The following TOP6BL variants were observed in gnomAD, a reference collection of about 807,000 sequenced individuals.
The protein encoded by TOP6BL is type 2 DNA topoisomerase 6 subunit B-like.
At chr11:66,784,956 C>CTTTTTTTTTTTTTTTT in the TOP6BL span, among the ~76,000 whole-genome samples, 1 of 95,116 alleles carries the variant, frequency 1.1e-5, no homozygotes, top group Non-Finnish European at 2.0e-5. Flanking sequence ...TCTAAGATTT[C>CTTTTTTTTTTTTTTTT]TTTTTTTTTT....
the TOP6BL span, among the ~76,000 whole-genome samples, chr11:66,766,398 C>G: frequency 6.6e-6 from 1 of 152,210 alleles, no homozygotes; most frequent in Non-Finnish European, 1.5e-5. Context: ...AATCTCCCTA[C>G]TCACCTACTT....
the TOP6BL span, among the ~76,000 whole-genome samples, chr11:66,810,527 A>C: frequency 6.6e-6 from 1 of 152,198 alleles, no homozygotes; most frequent in Non-Finnish European, 1.5e-5. Context: ...TTCAGTATTT[A>C]AAGGGGAAAC....
chr11:66,805,172 T>C, the TOP6BL span, among the ~76,000 whole-genome samples: 1 of 152,114 alleles, frequency 6.6e-6, no homozygotes, highest in African/African-American at 2.4e-5. Context: ...AGGTGGAGGC[T>C]GCAGTGAGCC....
the TOP6BL span, chr11:66,803,963 A>G: frequency 1.9e-6 from 3 of 1,549,086 alleles, no homozygotes; most frequent in Non-Finnish European, 2.6e-6. Flanking sequence ...AGAGGAAAAA[A>G]TGTTAAATTT....
chr11:66,756,850 A>G, the TOP6BL span, among the ~76,000 whole-genome samples: 1 of 151,912 alleles, frequency 6.6e-6, no homozygotes, highest in South Asian at 2.1e-4. Flanking sequence ...TAGCTGGACT[A>G]CAGGTGTGTG....
chr11:66,825,865 A>G, the TOP6BL span, among the ~76,000 whole-genome samples: 2 of 150,020 alleles, frequency 1.3e-5, no homozygotes, highest in Non-Finnish European at 3.0e-5. Flanking sequence ...TCTCTGAGAC[A>G]GTGTCTCGCT....
chr11:66,833,040 C>CTTTT, the TOP6BL span, among the ~76,000 whole-genome samples: 57 of 117,260 alleles, frequency 4.9e-4, no homozygotes, highest in Non-Finnish European at 7.2e-4. Flanking sequence ...ATCTTTCTGC[C>CTTTT]TTTTTTTTTT....
At chr11:66,744,861 C>G in the TOP6BL span, 18 of 1,312,618 alleles carry the variant, frequency 1.4e-5, no homozygotes, top group South Asian at 3.3e-4. Flanking sequence ...TACCCTTCGA[C>G]TGGGCGTTGC....
the TOP6BL span, among the ~76,000 whole-genome samples, chr11:66,809,236 CAG>C: frequency 1.3e-5 from 2 of 152,178 alleles, no homozygotes; most frequent in South Asian, 2.1e-4. Flanking sequence ...AGATGAAAAA[CAG>C]AGAAGAATCT....
the TOP6BL span, chr11:66,842,918 T>TGCG: frequency 6.4e-7 from 1 of 1,565,042 alleles, no homozygotes; most frequent in Non-Finnish European, 8.6e-7. Context: ...ATGCGAGCTC[T>TGCG]GCGCTCTGCC....
the TOP6BL span, chr11:66,758,309 T>TTTTTTTTTC: frequency 4.0e-4 from 13 of 32,460 alleles, no homozygotes; most frequent in African/African-American, 9.9e-4. Flanking sequence ...TTTCTTTTTT[T>TTTTTTTTTC]TTTTTTTTTT....
At chr11:66,829,480 CAGG>C in the TOP6BL span, among the ~76,000 whole-genome samples, 51 of 151,924 alleles carry the variant, frequency 3.4e-4, no homozygotes, top group Non-Finnish European at 6.8e-4. Context: ...GAGGCTGAGG[CAGG>C]AGAATTGCTT....
chr11:66,809,685 A>T, the TOP6BL span, among the ~76,000 whole-genome samples: 1 of 152,146 alleles, frequency 6.6e-6, no homozygotes, highest in Non-Finnish European at 1.5e-5. Context: ...CAGATAGAAG[A>T]TATGTGAGTG....
the TOP6BL span, among the ~76,000 whole-genome samples, chr11:66,779,074 A>C: frequency 6.6e-6 from 1 of 152,220 alleles, no homozygotes; most frequent in Admixed American, 6.5e-5. Flanking sequence ...AAGAAAACCT[A>C]GGCAATACCA....
At chr11:66,809,615 G>T in the TOP6BL span, among the ~76,000 whole-genome samples, 1 of 152,132 alleles carries the variant, frequency 6.6e-6, no homozygotes, top group Non-Finnish European at 1.5e-5. Flanking sequence ...TGGAATTATT[G>T]TATGCATACT....
At chr11:66,776,451 G>C in the TOP6BL span, among the ~76,000 whole-genome samples, 5 of 152,216 alleles carry the variant, frequency 3.3e-5, no homozygotes, top group South Asian at 6.2e-4. Context: ...CATCTGTCTT[G>C]CTTTCCTTAA....
chr11:66,804,122 C>G, the TOP6BL span: 24 of 1,613,824 alleles, frequency 1.5e-5, no homozygotes, highest in Non-Finnish European at 1.9e-5. Flanking sequence ...GATACTGACT[C>G]CAGCAGCTGC....
the TOP6BL span, chr11:66,821,652 C>T: frequency 6.2e-7 from 1 of 1,607,240 alleles, no homozygotes; most frequent in Non-Finnish European, 8.5e-7. Flanking sequence ...GGAGTCTATA[C>T]TTTGCTCACA....
the TOP6BL span, among the ~76,000 whole-genome samples, chr11:66,783,047 C>T: frequency 6.6e-6 from 1 of 152,106 alleles, no homozygotes; most frequent in Non-Finnish European, 1.5e-5. Context: ...GTTTGGCTCT[C>T]TTAAAAGTTC....
Sources: allele counts gnomAD v4.1 joint callset (sites outside exome capture counted in the v4.1 genomes callset), GRCh38; gene constraint gnomAD v4.1.1; transcripts MANE v1.5; gene names NCBI Gene and HGNC (gene_info 2026-07-23, HGNC 2026-07-21).